STXBP6: variants seen among roughly 807,000 people sequenced by gnomAD.
STXBP6 encodes syntaxin binding protein 6.
STXBP6 carries 21 observed loss-of-function variants against 26.9 expected under a neutral mutation model. The observed-to-expected ratio is 0.78, with a 90% CI of 0.55 to 1.12. STXBP6 has a LOEUF of 1.12. Ranked by LOEUF, STXBP6 falls within the 50% of genes most tolerant of loss-of-function variation. The probability of loss-of-function intolerance (pLI) is 0.00; values close to 1 mark genes in which losing one functional copy is unlikely to be tolerated. For missense variants in STXBP6, 232 were observed against 257.9 expected (o/e 0.90, Z 0.69); for synonymous variants, 97 against 92.6 (o/e 1.05, Z -0.27).
chr14:24,931,684 G>C (rs2072415667), intron 2 of STXBP6, among the ~76,000 whole-genome samples: 2 of 152,174 alleles, frequency 1.3e-5, no homozygotes, highest in South Asian at 4.2e-4. Flanking sequence ...GAATGAGAAG[G>C]GTAAGTCCAA....
intron 2 of STXBP6, among the ~76,000 whole-genome samples, chr14:24,930,002 G>A (rs1262949637): frequency 6.6e-6 from 1 of 152,220 alleles, no homozygotes; most frequent in Non-Finnish European, 1.5e-5. Context: ...ATAGAAGGCT[G>A]AAACATTTAC....
intron 1 of STXBP6, among the ~76,000 whole-genome samples, chr14:25,024,669 T>C (rs2075317255): frequency 6.6e-6 from 1 of 152,124 alleles, no homozygotes; most frequent in South Asian, 2.1e-4. Context: ...TTGACTTTTC[T>C]CCAACTCCTA....
At chr14:24,955,444 C>T (rs772326846) in intron 2 of STXBP6, among the ~76,000 whole-genome samples, 8 of 152,162 alleles carry the variant, frequency 5.3e-5, no homozygotes, top group Non-Finnish European at 1.2e-4. Flanking sequence ...AGTGTATCAC[C>T]GTTGTTTTGA....
intron 1 of STXBP6, among the ~76,000 whole-genome samples, chr14:24,996,255 G>A (rs1285656094): frequency 6.6e-6 from 1 of 152,012 alleles, no homozygotes; most frequent in African/African-American, 2.4e-5. Context: ...ATTTTTTAAT[G>A]CTTCTTGGCT....
rs986950043 is a variant in STXBP6 at position 24,905,359 on chromosome 14, G to A, written c.155-48202C>T. The stretch of plus-strand genomic sequence containing the variant: ...ATAGGCTTGTAATACCTACTTACAG[G>A]AGTGTTATATTGTTATTTAGGAGGA... On this transcript the variant is annotated intron_variant, in intron 2 of 5. Coordinates refer to ENST00000323944, the MANE Select transcript of STXBP6 (RefSeq NM_001394410.1). Among the ~76,000 whole-genome samples, 4 of 152,136 alleles carry A rather than the reference G, an allele frequency of 2.6e-5. No individual in the cohort carries two copies. In the South Asian group the frequency reaches 8.3e-4, roughly 32 times the overall value.
intron 1 of STXBP6, among the ~76,000 whole-genome samples, chr14:25,048,205 A>G (rs1286454152): frequency 6.6e-6 from 1 of 152,230 alleles, no homozygotes. Context: ...CTGAGTAAAG[A>G]GCACAGAGAC....
chr14:24,820,986 C>T (rs985832351), intron 4 of STXBP6, among the ~76,000 whole-genome samples: 3 of 152,180 alleles, frequency 2.0e-5, no homozygotes, highest in Admixed American at 6.5e-5. Flanking sequence ...AACGCCTGAC[C>T]GTTTCTGTCC....
chr14:25,026,662 C>T (rs2075355088), intron 1 of STXBP6, among the ~76,000 whole-genome samples: 1 of 152,178 alleles, frequency 6.6e-6, no homozygotes, highest in South Asian at 2.1e-4. Flanking sequence ...ACCTTATTTG[C>T]ATACATAACT....
chr14:24,890,775 T>G (rs989992140), intron 2 of STXBP6, among the ~76,000 whole-genome samples: 11 of 152,156 alleles, frequency 7.2e-5, no homozygotes, highest in Non-Finnish European at 1.0e-4. Context: ...AAACAGGAAA[T>G]TCAAGGCAGA....
chr14:24,937,116 A>T (rs532883838), intron 2 of STXBP6, among the ~76,000 whole-genome samples: 2 of 152,316 alleles, frequency 1.3e-5, no homozygotes, highest in African/African-American at 4.8e-5. Flanking sequence ...AGGGAGGGGA[A>T]CATCACACAC....
At chr14:25,045,980 C>T (rs2075721287) in intron 1 of STXBP6, among the ~76,000 whole-genome samples, 1 of 152,142 alleles carries the variant, frequency 6.6e-6, no homozygotes, top group African/African-American at 2.4e-5. Flanking sequence ...TAGAAATGAG[C>T]TAGTGCAGTA....
chr14:24,983,506 A>G (rs759799900), intron 1 of STXBP6, among the ~76,000 whole-genome samples: 1 of 152,248 alleles, frequency 6.6e-6, no homozygotes. Flanking sequence ...TCTTTTGCTT[A>G]CACTGAAGAA....
At chr14:24,970,096 T>C (rs1195835854) in intron 2 of STXBP6, among the ~76,000 whole-genome samples, 3 of 151,948 alleles carry the variant, frequency 2.0e-5, no homozygotes, top group African/African-American at 7.3e-5. Flanking sequence ...ACAAAATCAG[T>C]TGGGTGCAGT....
intron 2 of STXBP6, among the ~76,000 whole-genome samples, chr14:24,903,511 G>A (rs1181602654): frequency 6.6e-6 from 1 of 152,098 alleles, no homozygotes; most frequent in Non-Finnish European, 1.5e-5. Context: ...CTGCCTAACA[G>A]TCCCTTAAAC....
intron 2 of STXBP6, among the ~76,000 whole-genome samples, chr14:24,874,335 T>A (rs1241592112): frequency 6.6e-6 from 1 of 152,104 alleles, no homozygotes; most frequent in Non-Finnish European, 1.5e-5. Flanking sequence ...AGATTTGTAT[T>A]ATGGGACTCA....
Position 24,937,428 on chromosome 14 carries a change from CAT to C in STXBP6, c.154+37235_154+37236del, listed in dbSNP as rs138996894. ...CTATGCCTTTATATATACTGAACAA[CAT>C]AATCTTTTTGAAGGCAGTTTACAGG... On this transcript the variant is annotated intron_variant, in intron 2 of 5. Coordinates refer to ENST00000323944, the MANE Select transcript of STXBP6 (RefSeq NM_001394410.1). 3.0e-3 allele frequency among the ~76,000 whole-genome samples: 455 copies of C among 152,242 alleles called. 7 individuals are homozygous for C. Among genetic ancestry groups the C allele is most frequent in the African/African-American group, 0.011 (445 of 41,526 alleles).
At chr14:25,017,747 G>A (rs2140411214) in intron 1 of STXBP6, among the ~76,000 whole-genome samples, 1 of 152,280 alleles carries the variant, frequency 6.6e-6, no homozygotes, top group South Asian at 2.1e-4. Flanking sequence ...AACAAACATG[G>A]GAGGAAGATA....
chr14:24,937,081 T>C (rs766769902), intron 2 of STXBP6, among the ~76,000 whole-genome samples: 12 of 151,686 alleles, frequency 7.9e-5, no homozygotes, highest in Non-Finnish European at 1.5e-4. Context: ...TAAGTGGGAG[T>C]TGAACAATGA....
chr14:25,018,434 C>T (rs978094479), intron 1 of STXBP6, among the ~76,000 whole-genome samples: 7 of 152,140 alleles, frequency 4.6e-5, no homozygotes, highest in Non-Finnish European at 8.8e-5. Context: ...AGGTAGAAGC[C>T]AACCATCTGA....
Sources: allele counts gnomAD v4.1 joint callset (sites outside exome capture counted in the v4.1 genomes callset), GRCh38; gene constraint gnomAD v4.1.1; transcripts MANE v1.5; gene names NCBI Gene and HGNC (gene_info 2026-07-23, HGNC 2026-07-21).